The following ZNF565 variants were observed in gnomAD, a reference collection of about 807,000 sequenced individuals.
ZNF565 encodes zinc finger protein 565.
A neutral mutation model predicts 39.4 loss-of-function variants in ZNF565; 27 were observed. The ratio of observed to expected loss-of-function variants is 0.69; its 90% CI spans 0.51 to 0.95. The LOEUF is 0.95. ZNF565 is among the 40% of genes least tolerant of loss of function. ZNF565 has a pLI of 0.00. For synonymous variants in ZNF565, 185 were observed against 216.6 expected, an observed-to-expected ratio of 0.85 and a Z score of 1.28; for missense variants, 524 against 621.1, an observed-to-expected ratio of 0.84 and a Z score of 1.66.
chr19:36,240,266 G>A (rs1038072978), intron 1 of ZNF565, among the ~76,000 whole-genome samples: 8 of 152,182 alleles, frequency 5.3e-5, no homozygotes, highest in African/African-American at 1.7e-4. Flanking sequence ...CTAATCTAGA[G>A]ATGATTCTAG....
intron 1 of ZNF565, among the ~76,000 whole-genome samples, chr19:36,244,843 A>C (rs1465941009): frequency 9.5e-6 from 1 of 105,670 alleles, no homozygotes; most frequent in African/African-American, 3.9e-5. Context: ...GAGCAAGACT[A>C]CGTCTTAAAA....
intron 4 of ZNF565, among the ~76,000 whole-genome samples, chr19:36,191,861 C>T (rs531558870): frequency 5.9e-5 from 9 of 152,132 alleles, no homozygotes; most frequent in South Asian, 4.1e-4. Flanking sequence ...ATGCCAAAAT[C>T]GGAGTGGGAG....
At chr19:36,243,078 G>C (rs1045662723) in intron 1 of ZNF565, among the ~76,000 whole-genome samples, 3 of 152,168 alleles carry the variant, frequency 2.0e-5, no homozygotes, top group African/African-American at 7.2e-5. Flanking sequence ...TTGTCCCCCA[G>C]GCTGGAGGAT....
At chr19:36,223,268 A>G (rs920209009) in intron 1 of ZNF565, among the ~76,000 whole-genome samples, 2 of 151,090 alleles carry the variant, frequency 1.3e-5, no homozygotes, top group Non-Finnish European at 2.9e-5. Flanking sequence ...AATACAAAAA[A>G]TTTAGCCAGT....
chr19:36,201,114 C>T (rs1975948243), intron 2 of ZNF565, among the ~76,000 whole-genome samples: 1 of 152,092 alleles, frequency 6.6e-6, no homozygotes, highest in Non-Finnish European at 1.5e-5. Context: ...CCAGTCTGGG[C>T]AACACAGTGA....
intron 1 of ZNF565, among the ~76,000 whole-genome samples, chr19:36,202,350 G>A (rs538786774): frequency 2.2e-4 from 34 of 152,022 alleles, no homozygotes; most frequent in African/African-American, 8.2e-4. Context: ...CTGGGCGACA[G>A]AGCGAGACTC....
At chr19:36,222,076 C>T (rs1011104203) in intron 1 of ZNF565, among the ~76,000 whole-genome samples, 1 of 150,934 alleles carries the variant, frequency 6.6e-6, no homozygotes, top group Admixed American at 6.6e-5. Context: ...ACCACAGGCA[C>T]ACTCCACCAC....
At chr19:36,203,388 T>C (rs1976038085) in intron 1 of ZNF565, 1 of 134,274 alleles carries the variant, frequency 7.4e-6, no homozygotes, top group Non-Finnish European at 1.6e-5. Context: ...GGGGGAAGAA[T>C]AGAACAAGGA....
chr19:36,216,172 A>G (rs1369128748), upstream of ZNF565, among the ~76,000 whole-genome samples: 1 of 152,234 alleles, frequency 6.6e-6, no homozygotes, highest in Non-Finnish European at 1.5e-5. Flanking sequence ...ATAGTTGAAG[A>G]AAACTAATAT....
At chr19:36,212,548 C>A (rs369792422) in intron 1 of ZNF565, among the ~76,000 whole-genome samples, 1 of 151,094 alleles carries the variant, frequency 6.6e-6, no homozygotes, top group Admixed American at 6.6e-5. Context: ...CTTGAGCCTG[C>A]GAGGTGGAGG....
At chr19:36,223,425 C>T (rs904452733) in intron 1 of ZNF565, among the ~76,000 whole-genome samples, 12 of 151,488 alleles carry the variant, frequency 7.9e-5, no homozygotes, top group Middle Eastern at 3.5e-3. Context: ...TGCAGTGGTG[C>T]GATTTCGGCT....
At chr19:36,208,140 G>A (rs1269166352) in intron 1 of ZNF565, among the ~76,000 whole-genome samples, 1 of 151,838 alleles carries the variant, frequency 6.6e-6, no homozygotes, top group African/African-American at 2.4e-5. Context: ...AGCTCTATAT[G>A]TCTCAAAGGG....
chr19:36,228,173 A>G (rs1056541310), intron 1 of ZNF565, among the ~76,000 whole-genome samples: 1 of 148,548 alleles, frequency 6.7e-6, no homozygotes, highest in Non-Finnish European at 1.5e-5. Flanking sequence ...AAAAAAAAAA[A>G]AAAAGAAAGA....
chr19:36,237,526 G>A (rs910094233), intron 1 of ZNF565: 1 of 479,718 alleles, frequency 2.1e-6, no homozygotes, highest in Non-Finnish European at 3.5e-6. Flanking sequence ...GAAACCTGCA[G>A]CAGAGATAAT....
At chr19:36,244,574 T>C (rs1977848626) in intron 1 of ZNF565, among the ~76,000 whole-genome samples, 1 of 151,496 alleles carries the variant, frequency 6.6e-6, no homozygotes, top group African/African-American at 2.4e-5. Context: ...AAAAGGAGGC[T>C]GGGCACGCTG....
chr19:36,184,013 G>C (rs1176437461), intron 4 of ZNF565, among the ~76,000 whole-genome samples: 1 of 146,338 alleles, frequency 6.8e-6, no homozygotes, highest in Non-Finnish European at 1.5e-5. Context: ...GGGAGGCAGA[G>C]GTCGCAGTGA....
rs374276022 is a variant in ZNF565 at position 36,196,228 on chromosome 19, C to T, written c.10-1072G>A. 1.4e-4 allele frequency among the ~76,000 whole-genome samples: 22 copies of T among 152,248 alleles called. No homozygotes were observed. The East Asian group carries it at 1.7e-3, about 12-fold the overall frequency. On this transcript the variant is annotated intron_variant, in intron 2 of 4. Transcript: ENST00000304116. Reference sequence around the variant, plus strand: ...GACAGGCGTGAGTCACTGCACCCAGCCTAATTTTGATTTTTAATATTTTGT... The same window carrying T: ...GACAGGCGTGAGTCACTGCACCCAGTCTAATTTTGATTTTTAATATTTTGT...
intron 2 of ZNF565, among the ~76,000 whole-genome samples, chr19:36,197,706 G>A (rs1599928799): frequency 1.3e-5 from 2 of 152,098 alleles, no homozygotes; most frequent in South Asian, 2.1e-4. Flanking sequence ...TAGTGAAGAC[G>A]TGAACAGAAG....
At chr19:36,187,545 T>C (rs1404002711) in intron 4 of ZNF565, among the ~76,000 whole-genome samples, 1 of 150,780 alleles carries the variant, frequency 6.6e-6, no homozygotes, top group Non-Finnish European at 1.5e-5. Context: ...GTATTTTTGG[T>C]AGAGATGGGG....
Sources: allele counts gnomAD v4.1 joint callset (sites outside exome capture counted in the v4.1 genomes callset), GRCh38; gene constraint gnomAD v4.1.1; transcripts MANE v1.5; gene names NCBI Gene and HGNC (gene_info 2026-07-23, HGNC 2026-07-21).